Variants in DSCAM observed in about 807,000 individuals in gnomAD.
DSCAM encodes cell adhesion molecule DSCAM.
DSCAM carries 47 observed loss-of-function variants against 217.7 expected under a neutral mutation model. The observed-to-expected ratio is 0.22, with a 90% CI of 0.17 to 0.28. The LOEUF is 0.28. DSCAM is among the 10% of genes least tolerant of loss of function. The pLI, the probability that DSCAM is intolerant of heterozygous loss-of-function variation, is 1.00. For missense variants in DSCAM, 2,080 were observed against 2,618.3 expected (o/e 0.79, Z 4.49); for synonymous variants, 1,056 against 1,015.3 (o/e 1.04, Z -0.76).
At chr21:40,706,911 C>T (rs555308036) in intron 2 of DSCAM, among the ~76,000 whole-genome samples, 2 of 152,152 alleles carry the variant, frequency 1.3e-5, no homozygotes, top group African/African-American at 4.8e-5. Context: ...ATTCATAGTC[C>T]ATAGGGTTTC....
chr21:40,469,491 A>C (rs2075871083), intron 3 of DSCAM, among the ~76,000 whole-genome samples: 2 of 152,212 alleles, frequency 1.3e-5, no homozygotes, highest in South Asian at 4.1e-4. Context: ...GACAAAGTTG[A>C]ACATGTGGAA....
chr21:40,207,468 C>T (rs2091138195), intron 11 of DSCAM, among the ~76,000 whole-genome samples: 2 of 152,104 alleles, frequency 1.3e-5, no homozygotes, highest in South Asian at 2.1e-4. Flanking sequence ...TCTTTTGACC[C>T]TGTAATTCCT....
chr21:40,402,910 G>A (rs1450319239), intron 3 of DSCAM, among the ~76,000 whole-genome samples: 1 of 152,112 alleles, frequency 6.6e-6, no homozygotes, highest in Non-Finnish European at 1.5e-5. Flanking sequence ...TTACTTAAGA[G>A]AGACAAGTAC....
intron 1 of DSCAM, among the ~76,000 whole-genome samples, chr21:40,713,218 A>G (rs574978554): frequency 3.9e-5 from 6 of 152,282 alleles, no homozygotes; most frequent in African/African-American, 1.4e-4. Flanking sequence ...TAGGCCATAT[A>G]TGGCACCAAT....
chr21:40,364,781 C>T (rs900459611), intron 4 of DSCAM, among the ~76,000 whole-genome samples: 1 of 143,844 alleles, frequency 7.0e-6, no homozygotes, highest in Non-Finnish European at 1.5e-5. Context: ...TATATATATA[C>T]ACACATACAT....
intron 28 of DSCAM, among the ~76,000 whole-genome samples, chr21:40,056,489 T>C (rs1427147140): frequency 1.3e-5 from 2 of 151,956 alleles, no homozygotes; most frequent in African/African-American, 2.4e-5. Context: ...TAAAAGTAAA[T>C]GAAAATAAGT....
intron 1 of DSCAM, among the ~76,000 whole-genome samples, chr21:40,803,446 C>A (rs1047545073): frequency 2.6e-5 from 4 of 152,120 alleles, no homozygotes; most frequent in African/African-American, 9.7e-5. Context: ...TCTGTTAAAG[C>A]AAAACACAAA....
intron 9 of DSCAM, among the ~76,000 whole-genome samples, chr21:40,303,252 T>C (rs981925089): frequency 1.3e-5 from 2 of 152,146 alleles, no homozygotes; most frequent in African/African-American, 2.4e-5. Flanking sequence ...TGCCTTACAC[T>C]TTCTGTCCTC....
At chr21:40,312,017 A>AT in intron 9 of DSCAM, 64 bp downstream of exon 9, 1 of 1,442,872 alleles carries the variant, frequency 6.9e-7, no homozygotes, top group Non-Finnish European at 9.3e-7. Flanking sequence ...TTCAAGCCCC[A>AT]TCATCTTAAA....
chr21:40,438,503 C>A (rs1373408274), intron 3 of DSCAM, among the ~76,000 whole-genome samples: 2 of 152,186 alleles, frequency 1.3e-5, no homozygotes, highest in Non-Finnish European at 2.9e-5. Flanking sequence ...TTGTAAGCCT[C>A]ACAAACCATG....
intron 10 of DSCAM, among the ~76,000 whole-genome samples, chr21:40,295,445 C>T (rs1394560703): frequency 1.3e-5 from 2 of 152,088 alleles, no homozygotes; most frequent in Admixed American, 6.6e-5. Flanking sequence ...TCACCTAAAA[C>T]CCAGGAGCTA....
intron 3 of DSCAM, among the ~76,000 whole-genome samples, chr21:40,620,182 G>A (rs1304646305): frequency 1.2e-4 from 8 of 67,062 alleles, no homozygotes; most frequent in Admixed American, 3.4e-4. Flanking sequence ...GAAAGAGAGA[G>A]AAAAAAGAAA....
chr21:40,494,293 T>C (rs948960993), intron 3 of DSCAM, among the ~76,000 whole-genome samples: 3 of 152,194 alleles, frequency 2.0e-5, no homozygotes, highest in African/African-American at 7.2e-5. Flanking sequence ...GACCCAACTA[T>C]GTGCTGCTTG....
chr21:40,782,449 TG>T (rs1349743154), intron 1 of DSCAM, among the ~76,000 whole-genome samples: 1 of 152,182 alleles, frequency 6.6e-6, no homozygotes, highest in African/African-American at 2.4e-5. Context: ...ACCTCCTGGT[TG>T]GGCGCAGTGG....
intron 1 of DSCAM, among the ~76,000 whole-genome samples, chr21:40,715,039 C>A (rs2090826772): frequency 6.6e-6 from 1 of 152,096 alleles, no homozygotes; most frequent in East Asian, 1.9e-4. Flanking sequence ...ATCCTTCCAC[C>A]TAGGATGACC....
At chr21:40,745,728 G>GT (rs1569015225) in intron 1 of DSCAM, among the ~76,000 whole-genome samples, 1 of 152,004 alleles carries the variant, frequency 6.6e-6, no homozygotes, top group Non-Finnish European at 1.5e-5. Context: ...AAAATTCACT[G>GT]GTAAAAGTAA....
intron 3 of DSCAM, among the ~76,000 whole-genome samples, chr21:40,510,666 A>C (rs2076251252): frequency 6.6e-6 from 1 of 152,232 alleles, no homozygotes; most frequent in Non-Finnish European, 1.5e-5. Flanking sequence ...TGGAGGGTAC[A>C]TTACAGAAGT....
At chr21:40,669,789 G>T (rs961886696) in intron 3 of DSCAM, among the ~76,000 whole-genome samples, 1 of 151,780 alleles carries the variant, frequency 6.6e-6, no homozygotes, top group Non-Finnish European at 1.5e-5. Flanking sequence ...ATGTTGGCAG[G>T]GCTCATCTCG....
intron 3 of DSCAM, among the ~76,000 whole-genome samples, chr21:40,499,346 T>C (rs2076154049): frequency 6.6e-6 from 1 of 152,218 alleles, no homozygotes; most frequent in Non-Finnish European, 1.5e-5. Context: ...AGTCCATCTC[T>C]TCACAGGTTT....
Sources: allele counts gnomAD v4.1 joint callset (sites outside exome capture counted in the v4.1 genomes callset), GRCh38; gene constraint gnomAD v4.1.1; transcripts MANE v1.5; gene names NCBI Gene and HGNC (gene_info 2026-07-23, HGNC 2026-07-21).